RBFOX1: variants seen among roughly 807,000 people sequenced by gnomAD.
RBFOX1 encodes RNA binding protein fox-1 homolog 1.
In RBFOX1, 8 loss-of-function variants were observed where a neutral mutation model predicts 57.7. That is an observed-to-expected ratio of 0.14 (90% confidence interval 0.08 to 0.25). The LOEUF is 0.25. RBFOX1 is among the 10% of genes least tolerant of loss of function. The pLI is 1.00. For missense variants in RBFOX1, 611 were observed against 548.5 expected (o/e 1.11, Z -1.14); for synonymous variants, 326 against 222.4 (o/e 1.47, Z -4.15).
intron 3 of RBFOX1, among the ~76,000 whole-genome samples, chr16:6,947,482 G>C (rs150451424): frequency 6.6e-6 from 1 of 152,182 alleles, no homozygotes; most frequent in Non-Finnish European, 1.5e-5. Flanking sequence ...TCTTGGGAAG[G>C]ATGTAGGAAC....
chr16:7,060,648 G>T (rs2053961003), intron 4 of RBFOX1, among the ~76,000 whole-genome samples: 1 of 152,052 alleles, frequency 6.6e-6, no homozygotes, highest in African/African-American at 2.4e-5. Flanking sequence ...TGTCTATAAT[G>T]GAAGAACAAA....
At chr16:7,702,223 A>T (rs1177499738) in intron 14 of RBFOX1, among the ~76,000 whole-genome samples, 2 of 152,220 alleles carry the variant, frequency 1.3e-5, no homozygotes, top group Non-Finnish European at 2.9e-5. Flanking sequence ...AAGATAAGAG[A>T]CTGATCATTT....
At chr16:7,043,701 T>G (rs2046938639) in intron 3 of RBFOX1, among the ~76,000 whole-genome samples, 1 of 152,344 alleles carries the variant, frequency 6.6e-6, no homozygotes, top group East Asian at 1.9e-4. Flanking sequence ...CATGAAAACA[T>G]GAACATCTAT....
intron 2 of RBFOX1, among the ~76,000 whole-genome samples, chr16:6,411,959 C>G (rs777702599): frequency 1.9e-4 from 29 of 152,154 alleles, no homozygotes; most frequent in Admixed American, 1.3e-3. Context: ...CAGTGAAACC[C>G]TGTCTCTACT....
chr16:5,725,210 C>T (rs2052097666), intron 3 of RBFOX1, among the ~76,000 whole-genome samples: 1 of 152,006 alleles, frequency 6.6e-6, no homozygotes, highest in Admixed American at 6.6e-5. Flanking sequence ...GTGCTGTGTG[C>T]CCTCTAGTCT....
rs576897818 is a variant in RBFOX1 at position 7,524,306 on chromosome 16, C to T, written c.270+5917C>T. On this transcript the variant is annotated intron_variant, in intron 5 of 15. Coordinates refer to ENST00000550418, the MANE Select transcript of RBFOX1 (RefSeq NM_018723.4). ...CTCCCAACCAGAGCTCAGTAAAATG[C>T]AGACAGAAAAGACTTACCAGGTCAT... is the stretch of plus-strand genomic sequence containing the variant. Among the ~76,000 whole-genome samples, 150 of 152,260 alleles carry T rather than the reference C, an allele frequency of 9.9e-4. 1 individual carries two copies. The highest frequency in any genetic ancestry group is 3.5e-3 in the African/African-American group (144 of 41,564).
intron 5 of RBFOX1, among the ~76,000 whole-genome samples, chr16:7,529,153 C>T (rs191366131): frequency 2.6e-5 from 4 of 151,962 alleles, no homozygotes; most frequent in Non-Finnish European, 5.9e-5. Flanking sequence ...CCCCACTGCT[C>T]GGGAGGCTGA....
chr16:6,863,114 G>A (rs2059305009), intron 3 of RBFOX1, among the ~76,000 whole-genome samples: 2 of 152,128 alleles, frequency 1.3e-5, no homozygotes, highest in Admixed American at 6.5e-5. Flanking sequence ...GATTATTGGT[G>A]GGAGAGTGGA....
rs780509888 is a variant in RBFOX1 at position 7,607,325 on chromosome 16, C to T, written c.663C>T (p.Pro221=). The change falls in exon 10 of 16, where the codon CCC becomes CCT. Residue 221 remains proline (P), a synonymous_variant. Coordinates refer to ENST00000550418, the MANE Select transcript of RBFOX1 (RefSeq NM_018723.4). ...LNPVVGAVYS[P]EFYAGTVLLC... is the part of the protein sequence containing the mutation. ...CAGTTGTGGGTGCAGTCTACAGTCC[C>T]GAATTCTATGCAGGTACAGAGTTTC... 2.5e-6 allele frequency: 4 copies of T among 1,610,486 alleles called. No individual in the cohort carries two copies. Among genetic ancestry groups the T allele is most frequent in the East Asian group, 2.2e-5 (1 of 44,734 alleles).
chr16:7,535,245 A>G (rs1367048072), intron 5 of RBFOX1, among the ~76,000 whole-genome samples: 1 of 152,004 alleles, frequency 6.6e-6, no homozygotes, highest in Non-Finnish European at 1.5e-5. Flanking sequence ...ATTTCCCATC[A>G]TTTCCCTGGG....
At chr16:7,042,298 G>A (rs1432296180) in intron 3 of RBFOX1, among the ~76,000 whole-genome samples, 2 of 152,206 alleles carry the variant, frequency 1.3e-5, no homozygotes, top group East Asian at 3.8e-4. Context: ...GGCTAACAGT[G>A]TAGGTATCCA....
At chr16:7,579,950 C>T in intron 6 of RBFOX1, 30 bp downstream of exon 6, 1 of 1,611,132 alleles carries the variant, frequency 6.2e-7, no homozygotes, top group Non-Finnish European at 8.5e-7. Flanking sequence ...CCAGCAGTGC[C>T]CGCTCTGGGG....
intron 4 of RBFOX1, among the ~76,000 whole-genome samples, chr16:7,159,695 A>G (rs1008240996): frequency 2.0e-5 from 3 of 152,194 alleles, no homozygotes; most frequent in South Asian, 2.1e-4. Flanking sequence ...GGATCTGCCA[A>G]GTACAAATGT....
At chr16:5,941,374 C>G (rs1218624349) in intron 4 of RBFOX1, among the ~76,000 whole-genome samples, 1 of 151,662 alleles carries the variant, frequency 6.6e-6, no homozygotes, top group South Asian at 2.1e-4. Flanking sequence ...CCTGTCGTCC[C>G]AGCTACTTGA....
At chr16:6,253,681 G>C (rs73531440) in intron 1 of RBFOX1, among the ~76,000 whole-genome samples, 197 of 23,128 alleles carry the variant, frequency 8.5e-3, no homozygotes, top group South Asian at 0.023. Flanking sequence ...GTGCATGTGT[G>C]TGTGTGTGTG....
intron 4 of RBFOX1, among the ~76,000 whole-genome samples, chr16:7,315,757 A>G (rs780210234): frequency 6.6e-6 from 1 of 152,106 alleles, no homozygotes; most frequent in Non-Finnish European, 1.5e-5. Context: ...CTTTACATTT[A>G]TATTGTACTG....
At chr16:6,296,492 C>G (rs2078128280) in intron 1 of RBFOX1, among the ~76,000 whole-genome samples, 1 of 151,374 alleles carries the variant, frequency 6.6e-6, no homozygotes, top group Admixed American at 6.6e-5. Flanking sequence ...GGGATCTCGG[C>G]TCACTGCAAG....
intron 3 of RBFOX1, among the ~76,000 whole-genome samples, chr16:6,966,417 G>C (rs1397186622): frequency 1.3e-5 from 2 of 152,144 alleles, no homozygotes; most frequent in African/African-American, 4.8e-5. Flanking sequence ...TGACCCTGGG[G>C]GGTCTTCCAG....
At chr16:7,015,748 A>C (rs138662971) in intron 3 of RBFOX1, among the ~76,000 whole-genome samples, 1 of 152,176 alleles carries the variant, frequency 6.6e-6, no homozygotes, top group East Asian at 1.9e-4. Flanking sequence ...AATTCATTTT[A>C]ATAACATTTT....
Sources: gnomAD v4.1 joint callset for allele counts (sites outside exome capture counted in the v4.1 genomes callset) on GRCh38, gnomAD v4.1.1 for gene constraint, MANE v1.5 for transcripts, NCBI Gene and HGNC (gene_info 2026-07-23, HGNC 2026-07-21) for gene names.